The following TBCD variants were observed in gnomAD, a reference collection of about 807,000 sequenced individuals.
The protein encoded by TBCD is tubulin-specific chaperone D.
TBCD carries 105 observed loss-of-function variants against 169.3 expected under a neutral mutation model. That is an observed-to-expected ratio of 0.62 (90% CI 0.53 to 0.73). The LOEUF (loss-of-function observed/expected upper bound fraction) is 0.73, where lower values mean the gene tolerates loss of function less well. Ranked by LOEUF, TBCD falls within the 30% of genes least tolerant of loss-of-function variation. TBCD has a pLI of 0.00. For synonymous variants in TBCD, 700 were observed against 643.9 expected (o/e 1.09, Z -1.32); for missense variants, 1,444 against 1,600.1 (o/e 0.90, Z 1.66).
chr17:82,930,391 G>C lies in TBCD; in HGVS notation c.2992-131G>C. On this transcript the variant is annotated intron_variant, in intron 32 of 38. Coordinates refer to ENST00000355528, the MANE Select transcript of TBCD (RefSeq NM_005993.5). This position sits in a 1 kb window ranked among gnomAD's most constrained non-coding sequence, Gnocchi z 5.2. ...GCTGGCGTCCGCACCAGCCGCTTGG[G>C]GCCAGACCTTCGCGTCTCTGCAGCT... 1 of 1,370,332 alleles carries C rather than the reference G, an allele frequency of 7.3e-7. No individual in the cohort carries two copies. The highest frequency in any genetic ancestry group is 9.7e-7 in the Non-Finnish European group (1 of 1,031,286). 84.9% of individuals were successfully genotyped at this position (1,370,332 alleles called of 1,614,324 possible). A position where few individuals can be genotyped will look rare whatever the true frequency, so the allele number is the denominator to read the frequency against.
At chr17:82,759,123 T>G (rs996243056) in intron 2 of TBCD, among the ~76,000 whole-genome samples, 1 of 152,162 alleles carries the variant, frequency 6.6e-6, no homozygotes, top group South Asian at 2.1e-4. Context: ...TAAGTGATCT[T>G]CTCACTTCAG....
intron 13 of TBCD, among the ~76,000 whole-genome samples, chr17:82,847,504 T>G (rs1025551323): frequency 6.6e-6 from 1 of 152,016 alleles, no homozygotes; most frequent in African/African-American, 2.4e-5. Context: ...TATGAGAGAA[T>G]TTGGGGAAAG....
chr17:82,767,180 A>T (rs540280794), intron 4 of TBCD, among the ~76,000 whole-genome samples: 1 of 152,084 alleles, frequency 6.6e-6, no homozygotes. Flanking sequence ...GGGGCCTGCT[A>T]TGCTCGCTGT....
At chr17:82,764,512 G>C (rs370592418) in intron 3 of TBCD, among the ~76,000 whole-genome samples, 2 of 152,154 alleles carry the variant, frequency 1.3e-5, no homozygotes, top group Non-Finnish European at 2.9e-5. Flanking sequence ...GGGCTTGGTG[G>C]CACATGACTG....
intron 20 of TBCD, among the ~76,000 whole-genome samples, chr17:82,906,502 CTA>C (rs2060260072): frequency 6.6e-6 from 1 of 152,246 alleles, no homozygotes. Context: ...TTTCAGTTGG[CTA>C]TGTTTGTACA....
chr17:82,931,221 C>G (rs2062173295), intron 33 of TBCD, among the ~76,000 whole-genome samples: 1 of 152,274 alleles, frequency 6.6e-6, no homozygotes. Context: ...CCTCGGCAGC[C>G]TCTCCCATGA....
intron 29 of TBCD, among the ~76,000 whole-genome samples, 186 bp from the exon 30 acceptor site, chr17:82,927,719 C>T (rs1471382940): frequency 6.6e-6 from 1 of 152,178 alleles, no homozygotes; most frequent in Non-Finnish European, 1.5e-5. Context: ...GGGTGGCTCC[C>T]TGCACACGTC....
intron 34 of TBCD, among the ~76,000 whole-genome samples, chr17:82,933,504 C>G (rs113769416): frequency 1.3e-5 from 2 of 152,006 alleles, no homozygotes; most frequent in Non-Finnish European, 2.9e-5. Context: ...CTGCCTTGGC[C>G]TCCTAAAGTG....
chr17:82,837,321 T>G (rs1398998383), intron 13 of TBCD, among the ~76,000 whole-genome samples: 1 of 152,224 alleles, frequency 6.6e-6, no homozygotes, highest in Non-Finnish European at 1.5e-5. Flanking sequence ...GGTCAGTTTC[T>G]ACCAGCCCGA....
At chr17:82,861,043 G>A (rs4986119) in intron 13 of TBCD, among the ~76,000 whole-genome samples, 38,358 of 152,110 alleles carry the variant, frequency 0.25, 4,854 homozygotes, top group Middle Eastern at 0.31. Context: ...TAAAACCGCG[G>A]CCCGTTGCAA....
At chr17:82,906,143 C>T in intron 20 of TBCD, 90 bp downstream of exon 20, 1 of 985,112 alleles carries the variant, frequency 1.0e-6, no homozygotes, top group South Asian at 1.5e-5. Flanking sequence ...GAGACTCTCT[C>T]ATCCCTTCTC....
intron 13 of TBCD, among the ~76,000 whole-genome samples, chr17:82,855,148 C>T (rs1286964685): frequency 6.6e-6 from 1 of 151,362 alleles, no homozygotes; most frequent in East Asian, 1.9e-4. Context: ...TTGGCCCCCA[C>T]CACCCCTTCC....
In TBCD at chr17:82,891,440, G is replaced by A. The variant is rs549944074; in HGVS notation, c.1563+1743G>A. ...GCAGCGGGAGCCTCGTGGAAGAAGC[G>A]GCACAGATTTTGAAGAGACACAGAC... On this transcript the variant is annotated intron_variant, in intron 16 of 38. Transcript: ENST00000355528. Among the ~76,000 whole-genome samples, 5 of 152,332 alleles carry A rather than the reference G, an allele frequency of 3.3e-5. No homozygotes were observed. The South Asian group carries it at 1.0e-3, about 32-fold the overall frequency.
At chr17:82,877,564 A>G (rs1414590170) in intron 14 of TBCD, among the ~76,000 whole-genome samples, 1 of 151,238 alleles carries the variant, frequency 6.6e-6, no homozygotes, top group Non-Finnish European at 1.5e-5. Context: ...CTGTTCTCGA[A>G]CTCCTGATCT....
At chr17:82,897,723 G>A (rs571136842) in intron 17 of TBCD, among the ~76,000 whole-genome samples, 5 of 152,180 alleles carry the variant, frequency 3.3e-5, no homozygotes, top group African/African-American at 1.2e-4. Context: ...ACCTCCTGTC[G>A]CTGGGGCTCC....
Position 82,789,201 on chromosome 17 carries a change from C to T in TBCD, c.771+7480C>T, listed in dbSNP as rs1244076965. Among the ~76,000 whole-genome samples the T allele has an allele frequency of 2.6e-5, 4 of 152,240 alleles. No homozygotes were observed. The highest frequency in any genetic ancestry group is 2.1e-4 in the South Asian group (1 of 4,818). Reference sequence around the variant, plus strand: ...CCACGCTGGTTCGGTCTCCTCGTGGCGTTAAGGAAAGACCTGGAGCAGCCA... The same window carrying T: ...CCACGCTGGTTCGGTCTCCTCGTGGTGTTAAGGAAAGACCTGGAGCAGCCA... On this transcript the variant is annotated intron_variant, in intron 7 of 38. Transcript: ENST00000355528. This position sits in a 1 kb window ranked among gnomAD's most constrained non-coding sequence, Gnocchi z 4.8.
chr17:82,870,304 G>A lies in TBCD; in HGVS notation c.1399G>A (p.Ala467Thr), dbSNP rs1567926154. The A allele has an allele frequency of 2.5e-6, 4 of 1,613,572 alleles. No individual in the cohort carries two copies. Among genetic ancestry groups the A allele is most frequent in the Non-Finnish European group, 3.4e-6 (4 of 1,179,894 alleles). The change falls in exon 14 of 39, where the codon GCC becomes ACC. Residue 467 changes from alanine to threonine, a missense_variant. By Grantham distance (58) the Ala-to-Thr change is moderately conservative. Coordinates refer to ENST00000355528, the MANE Select transcript of TBCD (RefSeq NM_005993.5). Reference protein sequence around the residue: ...CSVGTNVRDAACYVCWAFARA... With the variant: ...CSVGTNVRDATCYVCWAFARA... ...CGTGGGCACCAACGTCAGGGACGCC[G>A]CCTGCTACGTGTGCTGGGCCTTCGC...
At position 82,869,843 on chromosome 17, in the gene TBCD, G is replaced by GCCTCTCCCTCCCCTGAACCAGGGGCT. The variant is rs2057432607; in HGVS notation, c.1319-375_1319-350dup. On this transcript the variant is annotated intron_variant, in intron 13 of 38. Coordinates refer to ENST00000355528, the MANE Select transcript of TBCD (RefSeq NM_005993.5). The stretch of plus-strand genomic sequence containing the variant: ...TCTCTCCCTCCCCTGAACCAGGGGC[G>GCCTCTCCCTCCCCTGAACCAGGGGCT]CCTCTCCCTCCCCTGAACCAGGGGC... Among the ~76,000 whole-genome samples the GCCTCTCCCTCCCCTGAACCAGGGGCT allele has an allele frequency of 1.3e-5, 2 of 151,854 alleles. 1 individual carries two copies. Among genetic ancestry groups the GCCTCTCCCTCCCCTGAACCAGGGGCT allele is most frequent in the Non-Finnish European group, 2.9e-5 (2 of 67,920 alleles).
At chr17:82,875,822 C>T (rs978256586) in intron 14 of TBCD, among the ~76,000 whole-genome samples, 6 of 152,164 alleles carry the variant, frequency 3.9e-5, no homozygotes, top group African/African-American at 4.8e-5. Flanking sequence ...CTGTGAAACC[C>T]GGCAAATCCT....
Sources: allele counts gnomAD v4.1 joint callset (sites outside exome capture counted in the v4.1 genomes callset), GRCh38; gene constraint gnomAD v4.1.1; non-coding constraint Gnocchi (gnomAD v3.1); transcripts MANE v1.5; gene names NCBI Gene and HGNC (gene_info 2026-07-23, HGNC 2026-07-21).